GLIS3: variants seen among roughly 807,000 people sequenced by gnomAD.
GLIS3 encodes GLIS family zinc finger 3.
GLIS3 carries 53 observed loss-of-function variants against 78.6 expected under a neutral mutation model. The observed-to-expected ratio is 0.67, with a 90% CI of 0.54 to 0.85. The LOEUF (loss-of-function observed/expected upper bound fraction) is 0.85, where lower values mean the gene tolerates loss of function less well. Among genes scored for constraint, GLIS3 ranks in the 40% least tolerant of loss-of-function variants. The probability of loss-of-function intolerance (pLI) is 0.00; values close to 1 mark genes in which losing one functional copy is unlikely to be tolerated. For missense variants in GLIS3, 1,703 were observed against 1,231.1 expected (o/e 1.38, Z -5.74); for synonymous variants, 684 against 509.9 (o/e 1.34, Z -4.60).
At chr9:4,052,614 T>C (rs1825821485) in intron 4 of GLIS3, among the ~76,000 whole-genome samples, 1 of 152,214 alleles carries the variant, frequency 6.6e-6, no homozygotes, top group African/African-American at 2.4e-5. Context: ...CTAGCTTTTT[T>C]CACTTAGTAC....
intron 4 of GLIS3, among the ~76,000 whole-genome samples, chr9:4,117,468 C>A (rs766762970): frequency 2.0e-5 from 3 of 152,204 alleles, no homozygotes; most frequent in Admixed American, 2.0e-4. Flanking sequence ...CATCCATACA[C>A]ATTAAGGAAA....
At chr9:4,436,465 G>A in the GLIS3 span, among the ~76,000 whole-genome samples, 44 of 152,026 alleles carry the variant, frequency 2.9e-4, 1 homozygote, top group Middle Eastern at 0.02. Flanking sequence ...CTGCCACCAT[G>A]ACCCCCAAGC....
intron 7 of GLIS3, among the ~76,000 whole-genome samples, chr9:3,895,118 A>G (rs1035649704): frequency 2.6e-5 from 4 of 152,238 alleles, no homozygotes; most frequent in Non-Finnish European, 4.4e-5. Flanking sequence ...CACACTGTCC[A>G]TGATATCTCA....
intron 4 of GLIS3, among the ~76,000 whole-genome samples, chr9:4,070,331 T>G (rs1827481645): frequency 6.6e-6 from 1 of 152,204 alleles, no homozygotes; most frequent in African/African-American, 2.4e-5. Context: ...CAGGGAAAAC[T>G]AGTAAGCAAA....
chr9:4,362,012 T>C, the GLIS3 span, among the ~76,000 whole-genome samples: 465 of 152,334 alleles, frequency 3.1e-3, 3 homozygotes, highest in African/African-American at 0.011. Flanking sequence ...TTGATATCCT[T>C]TCCCTAGATT....
At chr9:4,196,229 T>C (rs1202075950) in intron 2 of GLIS3, among the ~76,000 whole-genome samples, 5 of 152,164 alleles carry the variant, frequency 3.3e-5, no homozygotes, top group Non-Finnish European at 7.4e-5. Flanking sequence ...TGTATCTAGC[T>C]CAAGGTTTGT....
chr9:4,373,088 G>C, the GLIS3 span, among the ~76,000 whole-genome samples: 3 of 152,220 alleles, frequency 2.0e-5, no homozygotes, highest in East Asian at 5.8e-4. Context: ...CCCCAGAAAA[G>C]TGGCTTCCCT....
chr9:4,375,505 T>C, the GLIS3 span, among the ~76,000 whole-genome samples: 36 of 152,234 alleles, frequency 2.4e-4, no homozygotes, highest in Non-Finnish European at 5.0e-4. Context: ...TGAAGATGTT[T>C]TCAGCTGACT....
At chr9:4,079,515 T>C (rs1262680096) in intron 4 of GLIS3, among the ~76,000 whole-genome samples, 2 of 152,170 alleles carry the variant, frequency 1.3e-5, no homozygotes, top group Admixed American at 1.3e-4. Context: ...TGTCCAGCAA[T>C]GTTCCTGTCA....
the GLIS3 span, among the ~76,000 whole-genome samples, chr9:4,418,360 T>C: frequency 1.8e-4 from 28 of 152,314 alleles, no homozygotes; most frequent in African/African-American, 6.5e-4. Context: ...AGTCACAACA[T>C]TGCCCAAATG....
At chr9:4,010,270 T>G (rs1335290432) in intron 4 of GLIS3, among the ~76,000 whole-genome samples, 2 of 152,180 alleles carry the variant, frequency 1.3e-5, no homozygotes, top group Non-Finnish European at 2.9e-5. Flanking sequence ...ACATATAACC[T>G]TGGCCAAGTT....
At chr9:4,288,285 G>A (rs1371789499) in intron 1 of GLIS3, among the ~76,000 whole-genome samples, 1 of 152,010 alleles carries the variant, frequency 6.6e-6, no homozygotes, top group Non-Finnish European at 1.5e-5. Flanking sequence ...TGAGCACTCT[G>A]AACCCTGCAG....
At chr9:3,969,972 G>C (rs1818262585) in intron 4 of GLIS3, among the ~76,000 whole-genome samples, 1 of 152,176 alleles carries the variant, frequency 6.6e-6, no homozygotes, top group Admixed American at 6.5e-5. Context: ...TGCTACCTAT[G>C]ATAAAATATT....
At chr9:4,314,496 G>A (rs1302238867) in intron 2 of GLIS3, among the ~76,000 whole-genome samples, 1 of 152,222 alleles carries the variant, frequency 6.6e-6, no homozygotes, top group Non-Finnish European at 1.5e-5. Context: ...ATTTAAGGCA[G>A]TCTAGAACTT....
chr9:4,407,625 A>C, the GLIS3 span, among the ~76,000 whole-genome samples: 5 of 152,226 alleles, frequency 3.3e-5, no homozygotes, highest in Non-Finnish European at 7.3e-5. Context: ...CCAGCCTGGG[A>C]GACAGAGCAA....
chr9:4,285,508 T>C (rs1563897512), intron 2 of GLIS3: 2 of 152,340 alleles, frequency 1.3e-5, no homozygotes, highest in Admixed American at 6.5e-5. Context: ...ATTACAGGCT[T>C]TGCTCTTAAT....
chr9:4,197,364 C>G (rs1049527007), intron 2 of GLIS3, among the ~76,000 whole-genome samples: 2 of 152,060 alleles, frequency 1.3e-5, no homozygotes, highest in African/African-American at 4.8e-5. Flanking sequence ...GTGTAGAGAT[C>G]ATGGTACAGG....
chr9:4,263,375 A>G (rs575738826), intron 2 of GLIS3, among the ~76,000 whole-genome samples: 1 of 152,318 alleles, frequency 6.6e-6, no homozygotes, highest in South Asian at 2.1e-4. Context: ...TTGACATGTG[A>G]GATAAATGTT....
intron 9 of GLIS3, among the ~76,000 whole-genome samples, chr9:3,832,627 C>T (rs1044785323): frequency 2.6e-5 from 4 of 152,150 alleles, no homozygotes; most frequent in African/African-American, 9.7e-5. Context: ...GACTTTGATA[C>T]CTGGAGGCCA....
Sources: allele counts gnomAD v4.1 joint callset (sites outside exome capture counted in the v4.1 genomes callset), GRCh38; gene constraint gnomAD v4.1.1; transcripts MANE v1.5; gene names NCBI Gene and HGNC (gene_info 2026-07-23, HGNC 2026-07-21).